ARL15: variants seen among roughly 807,000 people sequenced by gnomAD.
ARL15 encodes ARF like GTPase 15.
A neutral mutation model predicts 25.2 loss-of-function variants in ARL15; 19 were observed. The observed-to-expected ratio is 0.75, with a 90% CI of 0.53 to 1.10. The LOEUF is 1.10. Among genes scored for constraint, ARL15 ranks in the 50% least tolerant of loss-of-function variants. ARL15 has a pLI of 0.00. For synonymous variants in ARL15, 94 were observed against 86.8 expected (o/e 1.08, Z -0.46); for missense variants, 220 against 246.0 (o/e 0.89, Z 0.71).
chr5:53,981,835 G>C, intron 4 of ARL15, among the ~76,000 whole-genome samples: 1 of 151,896 alleles, frequency 6.6e-6, no homozygotes, highest in Non-Finnish European at 1.5e-5. Flanking sequence ...AGCAGGCAGA[G>C]GTTTTGGTGA....
chr5:53,926,778 A>G (rs906091948), intron 4 of ARL15, among the ~76,000 whole-genome samples: 1 of 152,146 alleles, frequency 6.6e-6, no homozygotes, highest in African/African-American at 2.4e-5. Context: ...GGCTCACTAG[A>G]AGATACTATT....
At chr5:54,125,086 T>G (rs1488145305) in intron 3 of ARL15, among the ~76,000 whole-genome samples, 7 of 139,406 alleles carry the variant, frequency 5.0e-5, no homozygotes, top group African/African-American at 1.9e-4. Context: ...TTTTGTTTTG[T>G]TTTTTTTTTT....
intron 4 of ARL15, among the ~76,000 whole-genome samples, chr5:53,928,446 G>T (rs1487692652): frequency 1.3e-5 from 2 of 152,072 alleles, no homozygotes; most frequent in African/African-American, 2.4e-5. Flanking sequence ...GTGGATAAAG[G>T]ATTAAAATTC....
chr5:54,202,010 A>T (rs1301287556), intron 1 of ARL15, among the ~76,000 whole-genome samples: 1 of 152,188 alleles, frequency 6.6e-6, no homozygotes, highest in Non-Finnish European at 1.5e-5. Flanking sequence ...ACTAGAGTAT[A>T]TGGCACAAAT....
At position 54,092,070 on chromosome 5, in the gene ARL15, A is replaced by AC. The variant is rs1554039833; in HGVS notation, c.462+21131dup. On this transcript the variant is annotated intron_variant, in intron 4 of 4. Transcript: ENST00000504924. ...AAAACACACACACACACACACACAC[A>AC]CACCACCACCACCACCACCATCACC... is the stretch of plus-strand genomic sequence containing the variant. Among the ~76,000 whole-genome samples the AC allele has an allele frequency of 1.1e-4, 17 of 151,576 alleles. 1 individual carries two copies. Among genetic ancestry groups the AC allele is most frequent in the East Asian group, 9.7e-4 (5 of 5,138 alleles).
intron 4 of ARL15, among the ~76,000 whole-genome samples, chr5:53,907,576 C>A (rs1745313558): frequency 7.2e-6 from 1 of 139,412 alleles, no homozygotes; most frequent in Non-Finnish European, 1.5e-5. Context: ...CAGCTCACTG[C>A]AAGCTCCGCC....
chr5:54,304,654 G>C (rs1176644119), intron 1 of ARL15, among the ~76,000 whole-genome samples: 1 of 152,064 alleles, frequency 6.6e-6, no homozygotes, highest in Non-Finnish European at 1.5e-5. Flanking sequence ...CTCCATATAT[G>C]GTAGATCTGT....
chr5:54,137,895 G>A (rs941419071), intron 3 of ARL15, among the ~76,000 whole-genome samples: 7 of 151,234 alleles, frequency 4.6e-5, no homozygotes, highest in Non-Finnish European at 7.4e-5. Flanking sequence ...TTTTTTTAAA[G>A]GAAAGTAGGA....
intron 4 of ARL15, among the ~76,000 whole-genome samples, chr5:54,103,531 G>A (rs941484546): frequency 2.6e-5 from 4 of 152,138 alleles, no homozygotes; most frequent in African/African-American, 7.2e-5. Context: ...ATGAGAGACT[G>A]TAGATACCAA....
At chr5:54,084,005 G>A (rs552658323) in intron 4 of ARL15, among the ~76,000 whole-genome samples, 28 of 152,242 alleles carry the variant, frequency 1.8e-4, no homozygotes, top group African/African-American at 6.5e-4. Flanking sequence ...CACTGCCAGC[G>A]TTTATTCCAT....
intron 4 of ARL15, among the ~76,000 whole-genome samples, chr5:54,102,461 CATA>C (rs927815606): frequency 1.1e-4 from 17 of 151,936 alleles, no homozygotes; most frequent in Admixed American, 7.2e-4. Context: ...TTTGCTTTCC[CATA>C]ATAATAATAA....
intron 4 of ARL15, among the ~76,000 whole-genome samples, chr5:54,071,519 C>A (rs970346370): frequency 0.02 from 2,143 of 108,698 alleles, 107 homozygotes; most frequent in Non-Finnish European, 0.031. Context: ...TTCCCCCCCC[C>A]CCCCCCGCAA....
intron 4 of ARL15, among the ~76,000 whole-genome samples, chr5:53,929,837 A>G (rs1746145466): frequency 6.6e-6 from 1 of 152,098 alleles, no homozygotes; most frequent in South Asian, 2.1e-4. Flanking sequence ...ATAAAGGTAC[A>G]GGACAGCTGG....
chr5:54,093,356 C>A (rs1752189256), intron 4 of ARL15, among the ~76,000 whole-genome samples: 1 of 152,174 alleles, frequency 6.6e-6, no homozygotes, highest in Non-Finnish European at 1.5e-5. Flanking sequence ...CCAAAGAAAG[C>A]ACCCCAAACC....
At chr5:54,297,652 C>G (rs1457427103) in intron 1 of ARL15, among the ~76,000 whole-genome samples, 1 of 152,132 alleles carries the variant, frequency 6.6e-6, no homozygotes, top group African/African-American at 2.4e-5. Context: ...CTACCTCTGA[C>G]CTCTGCAGTC....
intron 3 of ARL15, among the ~76,000 whole-genome samples, chr5:54,137,170 A>G (rs982732822): frequency 3.0e-4 from 46 of 151,816 alleles, no homozygotes; most frequent in African/African-American, 1.1e-3. Flanking sequence ...CAGCAAAGTG[A>G]TATATTCTAG....
At chr5:54,038,477 G>A (rs1467076458) in intron 4 of ARL15, among the ~76,000 whole-genome samples, 2 of 151,620 alleles carry the variant, frequency 1.3e-5, no homozygotes, top group Admixed American at 1.3e-4. Context: ...AAATAACAGA[G>A]AACTAAGTTC....
rs139635788 is a variant in ARL15, at chr5:53,941,258, T to G, written c.463-54545A>C. ...CATTAAACCATGGCCAAATTCACAATAAAATGTGCCTGCAATCCTTTAAAA... is the reference window on the plus strand; with the variant it reads ...CATTAAACCATGGCCAAATTCACAAGAAAATGTGCCTGCAATCCTTTAAAA... On this transcript the variant is annotated intron_variant, in intron 4 of 4. Coordinates refer to ENST00000504924, the MANE Select transcript of ARL15 (RefSeq NM_019087.3). 5.6e-3 allele frequency among the ~76,000 whole-genome samples: 854 copies of G among 152,198 alleles called. 8 individuals carry two copies. The highest frequency in any genetic ancestry group is 0.018 in the African/African-American group (738 of 41,524).
intron 4 of ARL15, among the ~76,000 whole-genome samples, chr5:53,899,341 C>T (rs1316495965): frequency 1.2e-5 from 1 of 85,670 alleles, no homozygotes; most frequent in African/African-American, 5.2e-5. Flanking sequence ...GAGTGAGACT[C>T]TATCCCAAAA....
Sources: allele counts gnomAD v4.1 joint callset (sites outside exome capture counted in the v4.1 genomes callset), GRCh38; gene constraint gnomAD v4.1.1; transcripts MANE v1.5; gene names NCBI Gene and HGNC (gene_info 2026-07-23, HGNC 2026-07-21).